Variants in VAX2 observed in about 807,000 individuals in gnomAD.
The protein encoded by VAX2 is ventral anterior homeobox 2.
Under a neutral mutation model 12.5 loss-of-function variants are expected in VAX2, and 8 were observed. The observed-to-expected ratio is 0.64, with a 90% CI of 0.37 to 1.15. The LOEUF (loss-of-function observed/expected upper bound fraction) is 1.15, where lower values mean the gene tolerates loss of function less well. Among genes scored for constraint, VAX2 ranks in the 50% most tolerant of loss-of-function variants. VAX2 has a pLI of 0.01. For synonymous variants in VAX2, 183 were observed against 187.6 expected, an observed-to-expected ratio of 0.98 and a Z score of 0.20; for missense variants, 476 against 412.9, an observed-to-expected ratio of 1.15 and a Z score of -1.32.
chr2:70,923,456 A>C (rs930172797), intron 2 of VAX2, among the ~76,000 whole-genome samples: 1 of 152,198 alleles, frequency 6.6e-6, no homozygotes, highest in African/African-American at 2.4e-5. Flanking sequence ...TATATTCAAC[A>C]GTTCAATACT....
intron 1 of VAX2, among the ~76,000 whole-genome samples, chr2:70,909,397 T>C (rs1394363024): frequency 6.6e-6 from 1 of 152,058 alleles, no homozygotes; most frequent in East Asian, 1.9e-4. Flanking sequence ...GGACAGGGTT[T>C]CACCATATTG....
Position 70,900,653 on chromosome 2 carries a change from G to A in VAX2, c.32G>A (p.Gly11Asp), listed in dbSNP as rs917717594. The change falls in exon 1 of 3, where the codon GGC (glycine) becomes GAC (aspartate). Residue 11 changes from glycine (G) to aspartate (D), a missense_variant. Physicochemically the swap from Gly to Asp is moderately conservative, Grantham distance 94. Coordinates refer to ENST00000234392, the MANE Select transcript of VAX2 (RefSeq NM_012476.3). ...GATGGGGGCGCCGAGCGCGACCGGG[G>A]CCCCGCGCGCCGGGCGGAGTCTGGT... is the stretch of plus-strand genomic sequence containing the variant. Reference protein sequence around the residue: MGDGGAERDRGPARRAESGGG... With the variant: MGDGGAERDRDPARRAESGGG... 9 of 1,280,152 alleles carry A rather than the reference G, an allele frequency of 7.0e-6. No homozygotes were observed. The highest frequency in any genetic ancestry group is 2.5e-5 in the South Asian group (1 of 39,294). The allele number at this position is 1,280,152 out of a possible 1,614,324, so 79.3% of individuals were successfully genotyped here.
intron 2 of VAX2, among the ~76,000 whole-genome samples, chr2:70,924,090 G>A (rs541981874): frequency 3.9e-5 from 6 of 152,250 alleles, no homozygotes; most frequent in African/African-American, 1.4e-4. Context: ...GAGCCCAGGA[G>A]GTCAAGGCTA....
At chr2:70,922,807 G>T (rs1296970779) in intron 2 of VAX2, among the ~76,000 whole-genome samples, 1 of 152,190 alleles carries the variant, frequency 6.6e-6, no homozygotes, top group African/African-American at 2.4e-5. Context: ...GGCTCAACAG[G>T]GGGCTGGGAA....
intron 2 of VAX2, among the ~76,000 whole-genome samples, chr2:70,928,992 G>T (rs943382347): frequency 6.6e-6 from 1 of 152,240 alleles, no homozygotes; most frequent in Non-Finnish European, 1.5e-5. Context: ...GGACGGGGAG[G>T]TGCTGGCTTG....
At chr2:70,912,451 C>G (rs1679208422) in intron 1 of VAX2, among the ~76,000 whole-genome samples, 1 of 152,116 alleles carries the variant, frequency 6.6e-6, no homozygotes, top group Non-Finnish European at 1.5e-5. Context: ...CACTTGAGGT[C>G]AGGAGCTTGA....
At chr2:70,912,528 G>A (rs1202270802) in intron 1 of VAX2, among the ~76,000 whole-genome samples, 1 of 152,256 alleles carries the variant, frequency 6.6e-6, no homozygotes, top group East Asian at 1.9e-4. Flanking sequence ...CAGGCGCGGT[G>A]GTGGGCGCCT....
intron 1 of VAX2, among the ~76,000 whole-genome samples, chr2:70,920,665 ACACG>A (rs1439516981): frequency 2.2e-5 from 3 of 134,398 alleles, no homozygotes; most frequent in East Asian, 2.3e-4. Flanking sequence ...ACACACACAC[ACACG>A]CACAGCTTAG....
chr2:70,928,818 C>T lies in VAX2; in HGVS notation c.436-3949C>T, dbSNP rs12373716. ...CAGAGCTAGAAACAGAGAAAGCCAG[C>T]GATAAATAACTATTCACATTTCCTG... On this transcript the variant is annotated intron_variant, in intron 2 of 2. Coordinates refer to ENST00000234392, the MANE Select transcript of VAX2 (RefSeq NM_012476.3). Among the ~76,000 whole-genome samples, 4 of 152,362 alleles carry T rather than the reference C, an allele frequency of 2.6e-5. No homozygotes were observed. The East Asian group carries it at 7.7e-4, about 29-fold the overall frequency.
At chr2:70,901,348 C>T (rs1388289902) in intron 1 of VAX2, among the ~76,000 whole-genome samples, 1 of 152,262 alleles carries the variant, frequency 6.6e-6, no homozygotes, top group Non-Finnish European at 1.5e-5. Context: ...GTTTCCCGTC[C>T]CCGGCAATCG....
At chr2:70,925,402 G>C (rs1679545659) in intron 2 of VAX2, among the ~76,000 whole-genome samples, 1 of 152,174 alleles carries the variant, frequency 6.6e-6, no homozygotes, top group Non-Finnish European at 1.5e-5. Context: ...TATACGCCCA[G>C]GGCAAGGGAA....
chr2:70,917,322 CAAATAAAT>C (rs56031108), intron 1 of VAX2, among the ~76,000 whole-genome samples: 1 of 147,282 alleles, frequency 6.8e-6, no homozygotes, highest in Non-Finnish European at 1.5e-5. Context: ...ACTCTATCTC[CAAATAAAT>C]AAATAAATAA....
intron 1 of VAX2, among the ~76,000 whole-genome samples, chr2:70,909,366 A>T (rs1330156693): frequency 6.6e-6 from 1 of 151,652 alleles, no homozygotes. Context: ...TTAATTTTTT[A>T]TTTTTAATTT....
chr2:70,907,542 T>A (rs782624809), intron 1 of VAX2, among the ~76,000 whole-genome samples: 2 of 152,218 alleles, frequency 1.3e-5, no homozygotes, highest in Non-Finnish European at 2.9e-5. Context: ...GCTGGAGACA[T>A]TGACTTTCAG....
At chr2:70,918,409 T>C (rs562280232) in intron 1 of VAX2, among the ~76,000 whole-genome samples, 2 of 152,262 alleles carry the variant, frequency 1.3e-5, no homozygotes, top group Non-Finnish European at 2.9e-5. Flanking sequence ...AGGGTAACCC[T>C]CTAGAGCAGG....
chr2:70,906,520 C>CTTTTTTTTTTTTTTTTTTTTTTTTTT lies in VAX2; in HGVS notation c.247+5653_247+5678dup, dbSNP rs869309305. 9.9e-5 allele frequency among the ~76,000 whole-genome samples: 6 copies of CTTTTTTTTTTTTTTTTTTTTTTTTTT among 60,606 alleles called. 1 individual carries two copies. The highest frequency in any genetic ancestry group is 4.4e-4 in the Admixed American group (2 of 4,548). 39.8% of individuals were successfully genotyped at this position (60,606 alleles called of 152,430 possible). A position where few individuals can be genotyped will look rare whatever the true frequency, so the allele number is the denominator to read the frequency against. Reference sequence around the variant, plus strand: ...CTTTCTTTTTTTTTCTTTTCTTTTCCTTTTTTTTTTTTTTTTTTTTTTTTT... The same window carrying CTTTTTTTTTTTTTTTTTTTTTTTTTT: ...CTTTCTTTTTTTTTCTTTTCTTTTCCTTTTTTTTTTTTTTTTTTTTTTTTTTTTTTTTTTTTTTTTTTTTTTTTTTT... On this transcript the variant is annotated intron_variant, in intron 1 of 2. Transcript: ENST00000234392.
At chr2:70,921,052 C>T (rs1553412760) in intron 1 of VAX2, 46 bp from the exon 2 acceptor site, 2 of 1,494,372 alleles carry the variant, frequency 1.3e-6, no homozygotes, top group African/African-American at 1.4e-5. Context: ...GGTGATCTAA[C>T]TCCCTAGCTA....
At chr2:70,915,474 C>T (rs1408626560) in intron 1 of VAX2, among the ~76,000 whole-genome samples, 2 of 152,156 alleles carry the variant, frequency 1.3e-5, no homozygotes, top group African/African-American at 4.8e-5. Flanking sequence ...AGGTGATCCA[C>T]CTGCCTCAGC....
chr2:70,909,078 C>G (rs1380537862), intron 1 of VAX2, among the ~76,000 whole-genome samples: 1 of 152,134 alleles, frequency 6.6e-6, no homozygotes, highest in Admixed American at 6.5e-5. Context: ...TGTGTTGCAA[C>G]ATTTTAATTT....
Sources: allele counts gnomAD v4.1 joint callset (sites outside exome capture counted in the v4.1 genomes callset), GRCh38; gene constraint gnomAD v4.1.1; transcripts MANE v1.5; gene names NCBI Gene and HGNC (gene_info 2026-07-23, HGNC 2026-07-21).